Variants in ABCA1 observed in about 807,000 individuals in gnomAD.
ABCA1 encodes the protein ATP binding cassette subfamily A member 1.
ABCA1 carries 133 observed loss-of-function variants against 262.5 expected under a neutral mutation model. The ratio of observed to expected loss-of-function variants is 0.51; its 90% confidence interval spans 0.44 to 0.59. ABCA1 has a LOEUF of 0.59. Ranked by LOEUF, ABCA1 falls within the 20% of genes least tolerant of loss-of-function variation. ABCA1 has a pLI of 0.00. For missense variants in ABCA1, 2,452 were observed against 2,777.5 expected (o/e 0.88, Z 2.63); for synonymous variants, 1,022 against 1,043.5 (o/e 0.98, Z 0.40).
intron 28 of ABCA1, among the ~76,000 whole-genome samples, chr9:104,812,029 C>T (rs1831323284): frequency 6.6e-6 from 1 of 152,344 alleles, no homozygotes; most frequent in African/African-American, 2.4e-5. Flanking sequence ...CATGCAAACA[C>T]TGACATGCAG....
At chr9:104,841,651 CTCA>C (rs1834385936) in intron 8 of ABCA1, among the ~76,000 whole-genome samples, 1 of 152,014 alleles carries the variant, frequency 6.6e-6, no homozygotes. Context: ...CTGCCCTCTA[CTCA>C]TCATCAAGAC....
intron 2 of ABCA1, among the ~76,000 whole-genome samples, chr9:104,894,850 C>A (rs1393613142): frequency 6.6e-6 from 1 of 152,240 alleles, no homozygotes; most frequent in African/African-American, 2.4e-5. Flanking sequence ...AAAATTTAAT[C>A]TTTGCCCTTT....
rs1008604304 is a variant in ABCA1, at chr9:104,900,569, G to A, written c.66+3045C>T. Among the ~76,000 whole-genome samples the A allele has an allele frequency of 3.9e-5, 6 of 152,170 alleles. No homozygotes were observed. The East Asian group carries it at 1.2e-3, about 29-fold the overall frequency. The stretch of plus-strand genomic sequence containing the variant: ...TAAACAATATAATCTAGAAATCTAA[G>A]CCAGGTGGATTGGAAAGTAGCTACC... On this transcript the variant is annotated intron_variant, in intron 2 of 49. Transcript: ENST00000374736.
chr9:104,826,194 C>G (rs751309462), intron 16 of ABCA1, among the ~76,000 whole-genome samples: 9 of 152,302 alleles, frequency 5.9e-5, no homozygotes, highest in African/African-American at 1.9e-4. Context: ...CCTGTTCCCC[C>G]ACACACATGC....
At chr9:104,889,925 T>C (rs1019067820) in intron 2 of ABCA1, among the ~76,000 whole-genome samples, 3 of 152,144 alleles carry the variant, frequency 2.0e-5, no homozygotes, top group East Asian at 1.9e-4. Flanking sequence ...AAAAAGATCA[T>C]TGAACTTCTA....
Position 104,781,826 on chromosome 9 carries a change from T to G in ABCA1, c.*2489A>C, listed in dbSNP as rs916083897. 5 of 152,580 alleles carry G rather than the reference T, an allele frequency of 3.3e-5. No individual in the cohort carries two copies. The highest frequency in any genetic ancestry group is 7.4e-5 in the Non-Finnish European group (5 of 67,988). 9.5% of individuals were successfully genotyped at this position (152,580 alleles called of 1,614,324 possible). A position where few individuals can be genotyped will look rare whatever the true frequency, so the allele number is the denominator to read the frequency against. The stretch of plus-strand genomic sequence containing the variant: ...TCACATAGGTACATTCCACAGGGAA[T>G]ATACAGAAATTTTGCTTGATTGAGT... On this transcript the variant is annotated 3_prime_UTR_variant, in exon 50 of 50. Coordinates refer to ENST00000374736, the MANE Select transcript of ABCA1 (RefSeq NM_005502.4).
chr9:104,901,223 G>A (rs1287406168), intron 2 of ABCA1, among the ~76,000 whole-genome samples: 1 of 152,152 alleles, frequency 6.6e-6, no homozygotes, highest in East Asian at 1.9e-4. Flanking sequence ...TAGTTTGGAG[G>A]AGGGAAGAAA....
chr9:104,908,812 T>G (rs1009644903), intron 1 of ABCA1, among the ~76,000 whole-genome samples: 2 of 152,214 alleles, frequency 1.3e-5, no homozygotes, highest in Non-Finnish European at 2.9e-5. Context: ...TGATTCCATT[T>G]ATATGACATT....
chr9:104,792,742 TG>T, intron 42 of ABCA1, 43 bp downstream of exon 42: 1 of 1,613,764 alleles, frequency 6.2e-7, no homozygotes, highest in Non-Finnish European at 8.5e-7. Flanking sequence ...CACATAAAGC[TG>T]AAAAAAACTG....
intron 5 of ABCA1, among the ~76,000 whole-genome samples, chr9:104,867,763 TG>T (rs760080024): frequency 9.9e-5 from 15 of 152,218 alleles, no homozygotes; most frequent in Non-Finnish European, 1.9e-4. Context: ...TGGATATAGG[TG>T]GAAGATGACC....
At position 104,818,578 on chromosome 9, in the gene ABCA1, G is replaced by T. The variant is rs2118961072; in HGVS notation, c.3462+85C>A. The T allele has an allele frequency of 2.3e-6, 3 of 1,280,750 alleles. No individual in the cohort carries two copies. In the South Asian group the frequency reaches 3.6e-5, roughly 15 times the overall value. 79.3% of individuals were successfully genotyped at this position (1,280,750 alleles called of 1,614,324 possible). ...GATGGTGGTTTCAACATGGCAAAAG[G>T]GGTGGAGATGGAGAAATCATTCACA... On this transcript the variant is annotated intron_variant, in intron 23 of 49. Coordinates refer to ENST00000374736, the MANE Select transcript of ABCA1 (RefSeq NM_005502.4).
Position 104,800,005 on chromosome 9 carries a change from C to G in ABCA1, c.4774-17G>C, listed in dbSNP as rs202067417. 1.9e-5 allele frequency: 30 copies of G among 1,613,824 alleles called. No individual in the cohort carries two copies. The highest frequency in any genetic ancestry group is 2.7e-5 in the African/African-American group (2 of 74,878). On this transcript the variant is annotated splice_polypyrimidine_tract_variant and intron_variant, in intron 35 of 49. Transcript: ENST00000374736. ...GAACCACACCTGAAAGAAAACATAC[C>G]AGGTACAAGGTAATGCCCCCAAACC...
intron 49 of ABCA1, among the ~76,000 whole-genome samples, chr9:104,784,833 G>A (rs919612383): frequency 2.6e-5 from 4 of 152,044 alleles, no homozygotes; most frequent in Non-Finnish European, 4.4e-5. Context: ...TAGTAGAGAC[G>A]GGGTTTCACC....
At chr9:104,819,798 C>G (rs553437149) in intron 21 of ABCA1, 75 bp from the exon 22 acceptor site, 67 of 1,612,166 alleles carry the variant, frequency 4.2e-5, no homozygotes, top group Non-Finnish European at 5.7e-5. Flanking sequence ...CCTAGGGGCA[C>G]AGCCAGGGAC....
intron 1 of ABCA1, among the ~76,000 whole-genome samples, chr9:104,905,043 G>A (rs999800923): frequency 2.0e-5 from 3 of 152,218 alleles, no homozygotes; most frequent in Admixed American, 2.0e-4. Context: ...GGAGGGGGCA[G>A]AAGATGAAAA....
chr9:104,793,430 C>T (rs4149327), intron 40 of ABCA1, 130 bp from the exon 41 acceptor site: 1 of 1,306,664 alleles, frequency 7.7e-7, no homozygotes, highest in Non-Finnish European at 1.1e-6. Flanking sequence ...TCACCCATGA[C>T]AAGGAAAAAA....
intron 5 of ABCA1, among the ~76,000 whole-genome samples, chr9:104,876,708 A>G (rs1328065421): frequency 6.6e-6 from 1 of 152,206 alleles, no homozygotes. Context: ...ACCCCATCAG[A>G]AAGGCCTTAG....
At chr9:104,904,934 A>AAGGG (rs138844114) in intron 1 of ABCA1, among the ~76,000 whole-genome samples, 5,150 of 152,302 alleles carry the variant, frequency 0.034, 178 homozygotes, top group African/African-American at 0.08. Flanking sequence ...TCTCGTGAAC[A>AAGGG]AGGGATACTA....
chr9:104,789,445 T>A (rs4149335), intron 44 of ABCA1, among the ~76,000 whole-genome samples: 27,365 of 152,228 alleles, frequency 0.18, 3,645 homozygotes, highest in African/African-American at 0.37. Context: ...TGCAAAAATG[T>A]AAGAGACAGG....
Sources: allele counts gnomAD v4.1 joint callset (sites outside exome capture counted in the v4.1 genomes callset), GRCh38; gene constraint gnomAD v4.1.1; transcripts MANE v1.5; gene names NCBI Gene and HGNC (gene_info 2026-07-23, HGNC 2026-07-21).